Variants in GPSM2 observed in about 807,000 individuals in gnomAD.
GPSM2 encodes G protein-signaling modulator 2.
A neutral mutation model predicts 78.4 loss-of-function variants in GPSM2; 58 were observed. The ratio of observed to expected loss-of-function variants is 0.74; its 90% CI spans 0.60 to 0.92. GPSM2 has a LOEUF of 0.92. Ranked by LOEUF, GPSM2 falls within the 40% of genes least tolerant of loss-of-function variation. The probability of loss-of-function intolerance (pLI) is 0.00; values close to 1 mark genes in which losing one functional copy is unlikely to be tolerated. For missense variants in GPSM2, 700 were observed against 815.5 expected, an observed-to-expected ratio of 0.86 and a Z score of 1.73; for synonymous variants, 224 against 280.2, an observed-to-expected ratio of 0.80 and a Z score of 2.00.
Position 108,917,665 on chromosome 1 carries a change from T to TAA in GPSM2, c.1264-946_1264-945dup, listed in dbSNP as rs1553215430. Among the ~76,000 whole-genome samples, 20 of 110,514 alleles carry TAA rather than the reference T, an allele frequency of 1.8e-4. 1 individual carries two copies. Among genetic ancestry groups the TAA allele is most frequent in the East Asian group, 7.3e-4 (2 of 2,752 alleles). 72.5% of individuals were successfully genotyped at this position (110,514 alleles called of 152,430 possible). ...ATATATATATATATATATATATATA[T>TAA]AAATGAGTTCTCACTATGTTGTCCA... On this transcript the variant is annotated intron_variant, in intron 11 of 14. Transcript: ENST00000264126.
intron 3 of GPSM2, 135 bp downstream of exon 3, chr1:108,897,220 T>C: frequency 1.3e-6 from 1 of 753,988 alleles, no homozygotes; most frequent in Non-Finnish European, 2.2e-6. Context: ...TTTTCAAAAC[T>C]AACCTTTAGG....
At chr1:108,908,768 C>G (rs1175862822) in intron 10 of GPSM2, among the ~76,000 whole-genome samples, 1 of 150,654 alleles carries the variant, frequency 6.6e-6, no homozygotes, top group African/African-American at 2.5e-5. Context: ...CCTGTAATCC[C>G]AGCTCTTGGG....
At position 108,904,867 on chromosome 1, in the gene GPSM2, A is replaced by C. The variant is rs983864459; in HGVS notation, c.1192+613A>C. On this transcript the variant is annotated intron_variant, in intron 10 of 14. Transcript: ENST00000264126. Reference sequence around the variant, plus strand: ...TATAATGTCTCTTTTTGAGTGAAAGAAAATCTACTTTTAAAGAAATAAAAG... The same window carrying C: ...TATAATGTCTCTTTTTGAGTGAAAGCAAATCTACTTTTAAAGAAATAAAAG... Among the ~76,000 whole-genome samples, 5 of 152,278 alleles carry C rather than the reference A, an allele frequency of 3.3e-5. No homozygotes were observed. In the East Asian group the frequency reaches 9.6e-4, roughly 29 times the overall value.
chr1:108,892,067 A>G (rs1044339045), intron 2 of GPSM2, among the ~76,000 whole-genome samples: 4 of 152,216 alleles, frequency 2.6e-5, no homozygotes, highest in African/African-American at 7.2e-5. Flanking sequence ...TTCATGCCCA[A>G]TTAGAATACA....
At chr1:108,904,336 C>CA in intron 10 of GPSM2, 82 bp downstream of exon 10, 1 of 860,218 alleles carries the variant, frequency 1.2e-6, no homozygotes, top group South Asian at 1.4e-5. Flanking sequence ...TTGGCATATT[C>CA]AGAGAGAATA....
At chr1:108,893,478 G>T (rs1342435901) in intron 2 of GPSM2, among the ~76,000 whole-genome samples, 2 of 151,896 alleles carry the variant, frequency 1.3e-5, no homozygotes, top group Non-Finnish European at 2.9e-5. Flanking sequence ...TTCATTTGTG[G>T]TTTTTTTGCT....
chr1:108,896,102 A>G (rs985078767), intron 2 of GPSM2, among the ~76,000 whole-genome samples: 1 of 152,130 alleles, frequency 6.6e-6, no homozygotes, highest in Non-Finnish European at 1.5e-5. Flanking sequence ...CACCCTCTAA[A>G]ATTTAGGATT....
intron 11 of GPSM2, among the ~76,000 whole-genome samples, chr1:108,916,400 G>A (rs1650235681): frequency 6.6e-6 from 1 of 152,204 alleles, no homozygotes; most frequent in Non-Finnish European, 1.5e-5. Context: ...CTAATTGTGT[G>A]AGAATCATAT....
intron 12 of GPSM2, among the ~76,000 whole-genome samples, chr1:108,919,817 C>T (rs168106): frequency 0.36 from 54,418 of 152,086 alleles, 11,353 homozygotes; most frequent in African/African-American, 0.57. Flanking sequence ...CCAGCTACCC[C>T]ATAATCTGGT....
At chr1:108,923,188 A>G (rs1650861269) in intron 13 of GPSM2, among the ~76,000 whole-genome samples, 1 of 151,894 alleles carries the variant, frequency 6.6e-6, no homozygotes, top group South Asian at 2.1e-4. Flanking sequence ...ACACACCACC[A>G]TGCCTGGCTA....
At chr1:108,890,793 ACCT>A (rs1324814087) in intron 2 of GPSM2, among the ~76,000 whole-genome samples, 1 of 152,124 alleles carries the variant, frequency 6.6e-6, no homozygotes, top group African/African-American at 2.4e-5. Flanking sequence ...ACACTAAGTA[ACCT>A]CCTAAGGGGA....
At chr1:108,907,527 T>A (rs10857995) in intron 10 of GPSM2, among the ~76,000 whole-genome samples, 46,757 of 152,030 alleles carry the variant, frequency 0.31, 7,623 homozygotes, top group African/African-American at 0.41. Context: ...GGTCATCAAG[T>A]TCTTCAGATG....
intron 8 of GPSM2, among the ~76,000 whole-genome samples, chr1:108,902,154 C>G (rs1019172291): frequency 8.6e-5 from 13 of 152,044 alleles, no homozygotes; most frequent in Admixed American, 5.2e-4. Flanking sequence ...GACCCAAGAT[C>G]AATGACTAGG....
At chr1:108,898,231 A>G (rs1350765649) in intron 5 of GPSM2, 130 bp downstream of exon 5, 10 of 868,076 alleles carry the variant, frequency 1.2e-5, no homozygotes, top group African/African-American at 5.0e-5. Context: ...AAAATCATCA[A>G]TTCAGTTGCT....
intron 2 of GPSM2, among the ~76,000 whole-genome samples, chr1:108,887,339 G>A (rs1321488693): frequency 6.6e-6 from 1 of 152,106 alleles, no homozygotes; most frequent in Non-Finnish European, 1.5e-5. Context: ...AGGCAGGTGG[G>A]GGAGGTAGAG....
rs932338636 is a variant in GPSM2, at chr1:108,932,836, T to C, written c.*2896T>C. The C allele has an allele frequency of 1.3e-5, 2 of 152,236 alleles. No homozygotes were observed. Among genetic ancestry groups the C allele is most frequent in the African/African-American group, 4.8e-5 (2 of 41,460 alleles). The allele number at this position is 152,236 out of a possible 1,614,324, so 9.4% of individuals were successfully genotyped here. On this transcript the variant is annotated 3_prime_UTR_variant, in exon 15 of 15. Coordinates refer to ENST00000264126, the MANE Select transcript of GPSM2 (RefSeq NM_013296.5). The stretch of plus-strand genomic sequence containing the variant: ...AAATCCTAAAATCCTTTTGCATTTC[T>C]TAGAAAAAATCACGTTTCTGATGAA...
chr1:108,887,151 G>A (rs892280511), intron 2 of GPSM2, among the ~76,000 whole-genome samples: 1 of 152,150 alleles, frequency 6.6e-6, no homozygotes, highest in Non-Finnish European at 1.5e-5. Flanking sequence ...GCCTCCCAAA[G>A]TGCTGGGATT....
At chr1:108,924,349 T>G (rs1650971735) in intron 14 of GPSM2, 135 bp downstream of exon 14, 2 of 721,712 alleles carry the variant, frequency 2.8e-6, no homozygotes, top group Non-Finnish European at 5.1e-6. Flanking sequence ...AGTAAAAAAT[T>G]ATTGAACACC....
chr1:108,892,986 T>A (rs1648077578), intron 2 of GPSM2, among the ~76,000 whole-genome samples: 1 of 152,226 alleles, frequency 6.6e-6, no homozygotes, highest in Non-Finnish European at 1.5e-5. Context: ...CTACATGGAC[T>A]TCAAGGACAG....
Sources: gnomAD v4.1 joint callset for allele counts (sites outside exome capture counted in the v4.1 genomes callset) on GRCh38, gnomAD v4.1.1 for gene constraint, MANE v1.5 for transcripts, NCBI Gene and HGNC (gene_info 2026-07-23, HGNC 2026-07-21) for gene names.